RGS9: variants seen among roughly 807,000 people sequenced by gnomAD.
The protein encoded by RGS9 is regulator of G protein signaling 9.
In RGS9, 78 loss-of-function variants were observed where a neutral mutation model predicts 102.0. The observed-to-expected ratio is 0.76, with a 90% confidence interval of 0.64 to 0.92. The LOEUF (loss-of-function observed/expected upper bound fraction) is 0.92. Among genes scored for constraint, RGS9 ranks in the 40% least tolerant of loss-of-function variants. RGS9 has a pLI of 0.00. For missense variants in RGS9, 833 were observed against 866.1 expected (o/e 0.96, Z 0.48); for synonymous variants, 353 against 318.6 (o/e 1.11, Z -1.15).
intron 8 of RGS9, among the ~76,000 whole-genome samples, chr17:65,174,190 T>G (rs980145066): frequency 6.6e-6 from 1 of 152,200 alleles, no homozygotes; most frequent in African/African-American, 2.4e-5. Flanking sequence ...AGTGCACTGT[T>G]GAGCACTGGG....
intron 8 of RGS9, among the ~76,000 whole-genome samples, chr17:65,174,558 C>T (rs1438800247): frequency 1.3e-5 from 2 of 151,514 alleles, no homozygotes; most frequent in Admixed American, 1.3e-4. Flanking sequence ...TGTAAGTGAG[C>T]ATGTATGTGA....
chr17:65,223,752 C>CTT lies in RGS9; in HGVS notation c.1408-1235_1408-1234dup, dbSNP rs528795738. On this transcript the variant is annotated intron_variant, in intron 17 of 18. Transcript: ENST00000262406. Reference sequence around the variant, plus strand: ...GCATCCCCAGCTTGTTCATGCCAGGCTTTTTTTTTTTTTTTTAAGATGGAG... The same window carrying CTT: ...GCATCCCCAGCTTGTTCATGCCAGGCTTTTTTTTTTTTTTTTTTAAGATGGAG... Among the ~76,000 whole-genome samples the CTT allele has an allele frequency of 9.1e-3, 1,253 of 137,574 alleles. 21 individuals carry two copies. Among genetic ancestry groups the CTT allele is most frequent in the African/African-American group, 0.032 (1,203 of 37,334 alleles). 90.3% of individuals were successfully genotyped at this position (137,574 alleles called of 152,430 possible).
chr17:65,225,827 A>C (rs578030486), intron 18 of RGS9, among the ~76,000 whole-genome samples: 26 of 152,308 alleles, frequency 1.7e-4, no homozygotes, highest in African/African-American at 6.0e-4. Flanking sequence ...AAGAGCAGGA[A>C]AGATTGGTGG....
At chr17:65,156,051 T>A (rs967169382) in intron 2 of RGS9, among the ~76,000 whole-genome samples, 1 of 152,030 alleles carries the variant, frequency 6.6e-6, no homozygotes, top group Non-Finnish European at 1.5e-5. Flanking sequence ...TGAGACAGGG[T>A]CTTTCTCTGT....
intron 14 of RGS9, 136 bp downstream of exon 14, chr17:65,202,216 A>G: frequency 2.9e-6 from 2 of 679,706 alleles, no homozygotes; most frequent in Non-Finnish European, 5.4e-6. Context: ...AGTTCACTGT[A>G]CTTGCCATGC....
chr17:65,197,601 G>A (rs1282379224), intron 13 of RGS9, among the ~76,000 whole-genome samples: 1 of 152,148 alleles, frequency 6.6e-6, no homozygotes, highest in Non-Finnish European at 1.5e-5. Context: ...GAAGGGAAGG[G>A]AGACAGGCAG....
intron 13 of RGS9, among the ~76,000 whole-genome samples, chr17:65,201,003 G>A (rs1340031345): frequency 6.6e-6 from 1 of 152,006 alleles, no homozygotes; most frequent in African/African-American, 2.4e-5. Context: ...AATGGTCTGC[G>A]CCCTAACCCC....
intron 8 of RGS9, among the ~76,000 whole-genome samples, chr17:65,174,624 CAT>C (rs766523168): frequency 3.2e-4 from 48 of 151,426 alleles, no homozygotes; most frequent in Middle Eastern, 6.8e-3. Context: ...TGCATGTAAA[CAT>C]ATATGTGTCA....
intron 17 of RGS9, among the ~76,000 whole-genome samples, chr17:65,219,790 A>C (rs963464477): frequency 1.1e-4 from 17 of 152,056 alleles, no homozygotes; most frequent in Admixed American, 5.2e-4. Context: ...CATCATCACC[A>C]CCATCATCAT....
At chr17:65,224,891 C>A in intron 17 of RGS9, 111 bp from the exon 18 acceptor site, 2 of 1,441,034 alleles carry the variant, frequency 1.4e-6, no homozygotes, top group Non-Finnish European at 1.9e-6. Flanking sequence ...CCATATCAGG[C>A]CCGCACTCTT....
intron 2 of RGS9, among the ~76,000 whole-genome samples, chr17:65,155,698 A>G (rs1910742888): frequency 6.6e-6 from 1 of 151,910 alleles, no homozygotes; most frequent in Admixed American, 6.6e-5. Context: ...GAGACTCCAC[A>G]GCTGGCCAGT....
intron 13 of RGS9, among the ~76,000 whole-genome samples, chr17:65,199,708 G>C (rs1912748677): frequency 1.3e-5 from 2 of 151,838 alleles, no homozygotes; most frequent in African/African-American, 4.8e-5. Flanking sequence ...TGGCCAGGCT[G>C]GTCTCAAACT....
At chr17:65,141,318 T>G (rs893453693) in intron 1 of RGS9, among the ~76,000 whole-genome samples, 1 of 152,202 alleles carries the variant, frequency 6.6e-6, no homozygotes, top group Non-Finnish European at 1.5e-5. Flanking sequence ...CCCATTCCCC[T>G]CTGCAATTAC....
rs773276677 is a variant in RGS9 at position 65,160,577 on chromosome 17, T to C, written c.354T>C (p.Asp118=). ...CCACCCAGCAGTGGCCAGCTGAAGATACCGATTACGGTAAATACTTCAGCC... is the reference window on the plus strand; with the variant it reads ...CCACCCAGCAGTGGCCAGCTGAAGACACCGATTACGGTAAATACTTCAGCC... ...FWPTQQWPAE[D]TDYAIYLAKR... The change falls in exon 5 of 19, where the codon GAT becomes GAC. Residue 118 remains aspartate, a synonymous_variant. Coordinates refer to ENST00000262406, the MANE Select transcript of RGS9 (RefSeq NM_003835.4). 4 of 1,614,198 alleles carry C rather than the reference T, an allele frequency of 2.5e-6. No homozygotes were observed. The highest frequency in any genetic ancestry group is 3.4e-6 in the Non-Finnish European group (4 of 1,180,008).
At chr17:65,162,953 C>G (rs1044594652) in intron 6 of RGS9, 60 bp from the exon 7 acceptor site, 2 of 925,506 alleles carry the variant, frequency 2.2e-6, no homozygotes, top group Middle Eastern at 2.1e-4. Flanking sequence ...AGTTTGTTGC[C>G]CTGCGGCACA....
chr17:65,151,680 C>T (rs1239753151), intron 1 of RGS9, among the ~76,000 whole-genome samples: 2 of 151,456 alleles, frequency 1.3e-5, no homozygotes, highest in East Asian at 3.8e-4. Flanking sequence ...CCAGAAGTGG[C>T]TTCTTCTTTG....
At chr17:65,191,523 G>A (rs1434282060) in intron 11 of RGS9, among the ~76,000 whole-genome samples, 2 of 151,988 alleles carry the variant, frequency 1.3e-5, no homozygotes, top group African/African-American at 4.8e-5. Flanking sequence ...TGAGGTCGGG[G>A]CGGATCACCT....
chr17:65,212,959 G>A (rs892944802), intron 17 of RGS9, among the ~76,000 whole-genome samples: 1 of 152,184 alleles, frequency 6.6e-6, no homozygotes, highest in Non-Finnish European at 1.5e-5. Flanking sequence ...GACATGAGTG[G>A]ATGAATGAAT....
In RGS9 at chr17:65,173,995, C is replaced by T. The variant is rs779256805; in HGVS notation, c.583-3737C>T. Among the ~76,000 whole-genome samples, 16 of 152,098 alleles carry T rather than the reference C, an allele frequency of 1.1e-4. No individual in the cohort carries two copies. The highest frequency in any genetic ancestry group is 1.9e-4 in the Non-Finnish European group (13 of 68,020). On this transcript the variant is annotated intron_variant, in intron 8 of 18. Coordinates refer to ENST00000262406, the MANE Select transcript of RGS9 (RefSeq NM_003835.4). The surrounding 1 kb of genome is among the most constrained non-coding windows in gnomAD (Gnocchi z 4.8). The stretch of plus-strand genomic sequence containing the variant: ...CTGCTGCCCACAGAGGTGCAAGAGC[C>T]GAGGCAGCAGTGGCCAGAGGACTGT...
Sources: allele counts gnomAD v4.1 joint callset (sites outside exome capture counted in the v4.1 genomes callset), GRCh38; gene constraint gnomAD v4.1.1; non-coding constraint Gnocchi (gnomAD v3.1); transcripts MANE v1.5; gene names NCBI Gene and HGNC (gene_info 2026-07-23, HGNC 2026-07-21).